The following SASH1 variants were observed in gnomAD, a reference collection of about 807,000 sequenced individuals.
SASH1 encodes SAM and SH3 domain-containing protein 1.
Under a neutral mutation model 125.2 loss-of-function variants are expected in SASH1, and 44 were observed. The ratio of observed to expected loss-of-function variants is 0.35; its 90% CI spans 0.28 to 0.45. The LOEUF (loss-of-function observed/expected upper bound fraction) is 0.45, where lower values mean the gene tolerates loss of function less well. Ranked by LOEUF, SASH1 falls within the 20% of genes least tolerant of loss-of-function variation. The pLI, the probability that SASH1 is intolerant of heterozygous loss-of-function variation, is 1.00. For missense variants in SASH1, 1,426 were observed against 1,614.5 expected (o/e 0.88, Z 2.00); for synonymous variants, 639 against 649.1 (o/e 0.98, Z 0.24).
Position 148,502,157 on chromosome 6 carries a change from C to T in SASH1, c.730-12167C>T, listed in dbSNP as rs767857931. ...TCTCTTTCTTCAAATCTGGCAACAA[C>T]TAGTTAATTTTGAAACTGCCAGAGA... is the stretch of plus-strand genomic sequence containing the variant. On this transcript the variant is annotated intron_variant, in intron 8 of 19. Transcript: ENST00000367467. Among the ~76,000 whole-genome samples, 23 of 152,176 alleles carry T rather than the reference C, an allele frequency of 1.5e-4. 1 individual carries two copies. Among genetic ancestry groups the T allele is most frequent in the Admixed American group, 1.5e-3 (23 of 15,272 alleles).
intron 1 of SASH1, among the ~76,000 whole-genome samples, chr6:148,361,199 C>A (rs1214823973): frequency 2.6e-5 from 4 of 152,162 alleles, no homozygotes; most frequent in African/African-American, 9.7e-5. Context: ...TTTAAGCCAC[C>A]CAATTATTGG....
intron 8 of SASH1, chr6:148,508,478 G>C (rs1779931522): frequency 1.0e-6 from 1 of 1,000,948 alleles, no homozygotes; most frequent in Admixed American, 5.4e-5. Flanking sequence ...GAGGCCAGCA[G>C]GAGGTCAGGG....
chr6:148,434,296 CA>C (rs758368949), intron 2 of SASH1, among the ~76,000 whole-genome samples: 1 of 151,926 alleles, frequency 6.6e-6, no homozygotes, highest in Non-Finnish European at 1.5e-5. Flanking sequence ...AGGGTGGTCT[CA>C]ATCTCCTGAC....
chr6:148,471,386 CTTTT>C lies in SASH1; in HGVS notation c.428-7_428-4del, dbSNP rs35487674. The C allele has an allele frequency of 0.087, 42,958 of 492,686 alleles. 20 individuals are homozygous for C. Among genetic ancestry groups the C allele is most frequent in the East Asian group, 0.14 (3,307 of 23,144 alleles). The allele number at this position is 492,686 out of a possible 1,614,324, so 30.5% of individuals were successfully genotyped here. On this transcript the variant is annotated intron_variant, in intron 5 of 19. Coordinates refer to ENST00000367467, the MANE Select transcript of SASH1 (RefSeq NM_015278.5). ...GAATTTATTGCTTGTGCTTTTTGTT[CTTTT>C]TTTTTTTTTTTTTTTTTTTTTTTAA...
At chr6:148,494,103 GT>G (rs1315921774) in intron 8 of SASH1, among the ~76,000 whole-genome samples, 1 of 152,078 alleles carries the variant, frequency 6.6e-6, no homozygotes, top group Non-Finnish European at 1.5e-5. Context: ...TGGTTTTTCT[GT>G]TTTTAGAAAG....
chr6:148,475,677 G>A (rs1033104729), intron 7 of SASH1, among the ~76,000 whole-genome samples: 1 of 152,134 alleles, frequency 6.6e-6, no homozygotes, highest in Non-Finnish European at 1.5e-5. Flanking sequence ...AACCTTAAAG[G>A]TCTGAAACCT....
At chr6:148,462,567 C>G (rs1249402605) in intron 4 of SASH1, among the ~76,000 whole-genome samples, 1 of 152,076 alleles carries the variant, frequency 6.6e-6, no homozygotes. Context: ...CTTGCAATAG[C>G]CAGATAGTCA....
At chr6:148,390,349 T>G in intron 2 of SASH1, 87 bp downstream of exon 2, 5 of 1,318,834 alleles carry the variant, frequency 3.8e-6, no homozygotes, top group Non-Finnish European at 4.2e-6. Flanking sequence ...GTGCTAGCTC[T>G]TCCTGGGGTA....
At chr6:148,535,973 G>A (rs1781820228) in intron 16 of SASH1, among the ~76,000 whole-genome samples, 1 of 152,136 alleles carries the variant, frequency 6.6e-6, no homozygotes, top group East Asian at 1.9e-4. Flanking sequence ...TGCTAAATAG[G>A]CAGTCCCTCT....
At chr6:148,469,536 T>A (rs147372662) in intron 5 of SASH1, among the ~76,000 whole-genome samples, 1 of 151,984 alleles carries the variant, frequency 6.6e-6, no homozygotes, top group Non-Finnish European at 1.5e-5. Flanking sequence ...AGTTCGAGAC[T>A]GACCTGGGCA....
intron 8 of SASH1, chr6:148,508,818 G>C (rs1459507651): frequency 1.6e-6 from 1 of 622,802 alleles, no homozygotes; most frequent in East Asian, 7.5e-5. Context: ...GTGGGGAGGG[G>C]GGTGGGAGGT....
At chr6:148,353,503 C>G (rs968851289) in intron 1 of SASH1, among the ~76,000 whole-genome samples, 1 of 138,282 alleles carries the variant, frequency 7.2e-6, no homozygotes, top group Non-Finnish European at 1.5e-5. Context: ...GGCGCGATCT[C>G]GGCTCACTGC....
At chr6:148,288,559 A>T (rs1652387234) in intron 1 of SASH1, among the ~76,000 whole-genome samples, 1 of 152,128 alleles carries the variant, frequency 6.6e-6, no homozygotes, top group Non-Finnish European at 1.5e-5. Context: ...CTTCTTATCT[A>T]CCTCATGTGT....
intron 1 of SASH1, among the ~76,000 whole-genome samples, chr6:148,326,160 T>C (rs997981519): frequency 6.7e-6 from 1 of 149,202 alleles, no homozygotes; most frequent in Non-Finnish European, 1.5e-5. Context: ...CCCAAGTAGC[T>C]GGGATTACAG....
chr6:148,207,960 A>T, the SASH1 span, among the ~76,000 whole-genome samples: 1 of 152,196 alleles, frequency 6.6e-6, no homozygotes, highest in Non-Finnish European at 1.5e-5. Flanking sequence ...CAGTCCAGTG[A>T]GGCCTCAGAG....
In SASH1 at chr6:148,286,831, A is replaced by G. The variant is rs114698126; in HGVS notation, n.74+14454A>G. On this transcript the variant is annotated intron_variant and non_coding_transcript_variant, in intron 1 of 3. Coordinates refer to the SASH1 transcript ENST00000367469. ...AATTTGGGGGGATGGGACACAAATC[A>G]GCCCATAACAAATCTCTAAGCTACT... Among the ~76,000 whole-genome samples the G allele has an allele frequency of 4.8e-3, 727 of 152,282 alleles. 8 individuals are homozygous for G. Among genetic ancestry groups the G allele is most frequent in the African/African-American group, 0.016 (684 of 41,546 alleles).
At chr6:148,329,086 C>T (rs1271454283) in intron 1 of SASH1, among the ~76,000 whole-genome samples, 1 of 152,164 alleles carries the variant, frequency 6.6e-6, no homozygotes, top group African/African-American at 2.4e-5. Flanking sequence ...TAGGCTTTTT[C>T]TTAATGGATA....
chr6:148,428,629 C>CGAAAAAAAAAAAAAAAA (rs1775927012), intron 2 of SASH1, among the ~76,000 whole-genome samples: 1 of 81,818 alleles, frequency 1.2e-5, no homozygotes. Flanking sequence ...AACTTTATCT[C>CGAAAAAAAAAAAAAAAA]AAAAAAAAAA....
chr6:148,346,661 T>C (rs1781530771), intron 1 of SASH1, among the ~76,000 whole-genome samples: 1 of 152,274 alleles, frequency 6.6e-6, no homozygotes. Flanking sequence ...ATCAAAGCAT[T>C]GTTCTGTCAA....
Sources: gnomAD v4.1 joint callset for allele counts (sites outside exome capture counted in the v4.1 genomes callset) on GRCh38, gnomAD v4.1.1 for gene constraint, MANE v1.5 for transcripts, NCBI Gene and HGNC (gene_info 2026-07-23, HGNC 2026-07-21) for gene names.